ATXN7L1: variants seen among roughly 807,000 people sequenced by gnomAD.
ATXN7L1 encodes ataxin-7-like protein 1.
In ATXN7L1, 15 loss-of-function variants were observed where a neutral mutation model predicts 70.8. The ratio of observed to expected loss-of-function variants is 0.21; its 90% CI spans 0.14 to 0.33. The LOEUF (loss-of-function observed/expected upper bound fraction) is 0.33, where lower values mean the gene tolerates loss of function less well. Among genes scored for constraint, ATXN7L1 ranks in the 10% least tolerant of loss-of-function variants. The pLI is 1.00. For missense variants in ATXN7L1, 975 were observed against 1,097.1 expected (o/e 0.89, Z 1.57); for synonymous variants, 440 against 445.1 (o/e 0.99, Z 0.14).
At chr7:105,704,436 A>G (rs1015602878) in intron 3 of ATXN7L1, among the ~76,000 whole-genome samples, 2 of 152,200 alleles carry the variant, frequency 1.3e-5, no homozygotes, top group Admixed American at 1.3e-4. Flanking sequence ...TGCCCTGATT[A>G]AGTTAGTACT....
intron 3 of ATXN7L1, among the ~76,000 whole-genome samples, chr7:105,666,186 C>T (rs973701022): frequency 6.6e-6 from 1 of 152,150 alleles, no homozygotes; most frequent in African/African-American, 2.4e-5. Flanking sequence ...ACTTTTACAC[C>T]TGCCCAAAAA....
At chr7:105,792,047 C>T (rs1056488910) in intron 2 of ATXN7L1, among the ~76,000 whole-genome samples, 6 of 152,180 alleles carry the variant, frequency 3.9e-5, no homozygotes, top group African/African-American at 9.7e-5. Flanking sequence ...CTGCCACTGA[C>T]GCCCCATTCT....
chr7:105,657,951 T>G (rs1800938954), intron 4 of ATXN7L1, among the ~76,000 whole-genome samples: 1 of 152,166 alleles, frequency 6.6e-6, no homozygotes, highest in African/African-American at 2.4e-5. Context: ...AGTGTCCAAA[T>G]TGAGATGTGC....
intron 2 of ATXN7L1, among the ~76,000 whole-genome samples, chr7:105,863,784 G>A (rs759285185): frequency 6.6e-6 from 1 of 152,148 alleles, no homozygotes; most frequent in East Asian, 1.9e-4. Context: ...GATTAAATGC[G>A]AACATGCACA....
chr7:105,632,489 T>C (rs1487728731), intron 7 of ATXN7L1, among the ~76,000 whole-genome samples: 1 of 151,734 alleles, frequency 6.6e-6, no homozygotes, highest in Non-Finnish European at 1.5e-5. Context: ...TAATAAAAAG[T>C]CAAGAAAGAA....
intron 2 of ATXN7L1, among the ~76,000 whole-genome samples, chr7:105,820,727 A>G (rs1326953980): frequency 2.0e-5 from 3 of 152,056 alleles, no homozygotes; most frequent in African/African-American, 7.2e-5. Context: ...GTGATTCCCA[A>G]TGTTGAAGGT....
At chr7:105,609,633 T>G (rs1792979161) in intron 11 of ATXN7L1, among the ~76,000 whole-genome samples, 2 of 151,938 alleles carry the variant, frequency 1.3e-5, no homozygotes, top group Admixed American at 1.3e-4. Flanking sequence ...CCTGGCTATT[T>G]AAAATTTTTG....
intron 3 of ATXN7L1, among the ~76,000 whole-genome samples, chr7:105,727,500 G>A (rs145329297): frequency 5.3e-5 from 8 of 151,062 alleles, no homozygotes; most frequent in African/African-American, 1.9e-4. Context: ...GAAACCCCAC[G>A]TCTACTAACA....
chr7:105,617,129 C>A (rs1047653456), intron 9 of ATXN7L1, among the ~76,000 whole-genome samples: 1 of 152,042 alleles, frequency 6.6e-6, no homozygotes, highest in African/African-American at 2.4e-5. Flanking sequence ...CGGGTTCACG[C>A]CATTCTGCTG....
intron 2 of ATXN7L1, among the ~76,000 whole-genome samples, chr7:105,851,265 C>T (rs1814838412): frequency 6.6e-6 from 1 of 152,146 alleles, no homozygotes. Context: ...GGTAGCTAGC[C>T]TAAAGTCACA....
At chr7:105,672,648 C>T (rs1044594923) in intron 3 of ATXN7L1, among the ~76,000 whole-genome samples, 2 of 152,134 alleles carry the variant, frequency 1.3e-5, no homozygotes, top group African/African-American at 4.8e-5. Flanking sequence ...GTTTTCAGAG[C>T]CCCTGTCTTA....
At chr7:105,770,422 G>C (rs1801828698) in intron 3 of ATXN7L1, among the ~76,000 whole-genome samples, 1 of 152,166 alleles carries the variant, frequency 6.6e-6, no homozygotes, top group Non-Finnish European at 1.5e-5. Context: ...TACTACTTAG[G>C]AGTGTATCTC....
chr7:105,706,877 T>C (rs1793243727), intron 3 of ATXN7L1, among the ~76,000 whole-genome samples: 1 of 152,252 alleles, frequency 6.6e-6, no homozygotes, highest in South Asian at 2.1e-4. Context: ...ACTAAACTCT[T>C]GGGCATCAAC....
At chr7:105,730,596 G>A (rs1796421061) in intron 3 of ATXN7L1, among the ~76,000 whole-genome samples, 1 of 152,158 alleles carries the variant, frequency 6.6e-6, no homozygotes, top group African/African-American at 2.4e-5. Context: ...GCTGGGCGTG[G>A]TGGCATGTGC....
intron 2 of ATXN7L1, among the ~76,000 whole-genome samples, chr7:105,848,684 C>T (rs1310352314): frequency 6.6e-6 from 1 of 152,108 alleles, no homozygotes; most frequent in African/African-American, 2.4e-5. Context: ...CTTTTTTCTT[C>T]TTTTGTTGAT....
chr7:105,861,015 C>T (rs771909990), intron 2 of ATXN7L1, among the ~76,000 whole-genome samples: 6 of 151,856 alleles, frequency 4.0e-5, no homozygotes, highest in Non-Finnish European at 8.8e-5. Context: ...AAGGTCCAGG[C>T]GGGGTGGCCC....
intron 5 of ATXN7L1, among the ~76,000 whole-genome samples, chr7:105,641,792 A>G (rs893590393): frequency 6.6e-6 from 1 of 152,242 alleles, no homozygotes; most frequent in Non-Finnish European, 1.5e-5. Flanking sequence ...GCAGGCAGAG[A>G]TGTGCAAGGT....
intron 3 of ATXN7L1, among the ~76,000 whole-genome samples, chr7:105,772,068 T>TA (rs1317132110): frequency 7.7e-6 from 1 of 130,472 alleles, no homozygotes. Context: ...TTGGAATTTT[T>TA]TTTTTTTTTT....
intron 9 of ATXN7L1, among the ~76,000 whole-genome samples, chr7:105,615,669 G>T (rs1337822266): frequency 6.6e-6 from 1 of 152,214 alleles, no homozygotes; most frequent in Non-Finnish European, 1.5e-5. Context: ...AATGGTGAGT[G>T]TGGGGACCCT....
Sources: allele counts gnomAD v4.1 joint callset (sites outside exome capture counted in the v4.1 genomes callset), GRCh38; gene constraint gnomAD v4.1.1; transcripts MANE v1.5; gene names NCBI Gene and HGNC (gene_info 2026-07-23, HGNC 2026-07-21).